The following SFI1 variants were observed in gnomAD, a reference collection of about 807,000 sequenced individuals.
SFI1 encodes protein SFI1 homolog.
A neutral mutation model predicts 207.5 loss-of-function variants in SFI1; 195 were observed. The observed-to-expected ratio is 0.94, with a 90% confidence interval of 0.84 to 1.06. The LOEUF (loss-of-function observed/expected upper bound fraction) is 1.06, where lower values mean the gene tolerates loss of function less well. SFI1 is among the 50% of genes least tolerant of loss of function. The pLI, the probability that SFI1 is intolerant of heterozygous loss-of-function variation, is 0.00. For synonymous variants in SFI1, 630 were observed against 598.9 expected (o/e 1.05, Z -0.76); for missense variants, 1,634 against 1,588.0 (o/e 1.03, Z -0.49).
chr22:31,506,330 G>A (rs377226315), intron 1 of SFI1, among the ~76,000 whole-genome samples: 148 of 152,152 alleles, frequency 9.7e-4, no homozygotes, highest in African/African-American at 3.3e-3. Context: ...TTACAGGCGT[G>A]AGCCACTGTG....
intron 15 of SFI1, among the ~76,000 whole-genome samples, chr22:31,596,022 G>A (rs1784607216): frequency 6.6e-6 from 1 of 152,126 alleles, no homozygotes; most frequent in African/African-American, 2.4e-5. Flanking sequence ...GGAGGCAGAG[G>A]TGGGTGGATC....
At chr22:31,550,000 C>T (rs1199695469) in intron 5 of SFI1, among the ~76,000 whole-genome samples, 1 of 151,724 alleles carries the variant, frequency 6.6e-6, no homozygotes, top group Non-Finnish European at 1.5e-5. Flanking sequence ...CATGCGATCT[C>T]GGCTCACTGC....
At chr22:31,545,116 C>A (rs1409472295) in intron 4 of SFI1, among the ~76,000 whole-genome samples, 1 of 152,098 alleles carries the variant, frequency 6.6e-6, no homozygotes, top group Non-Finnish European at 1.5e-5. Context: ...CATATAATCC[C>A]AGCATTTTGG....
intron 24 of SFI1, chr22:31,612,533 A>G (rs2070522838): frequency 6.6e-6 from 1 of 151,228 alleles, no homozygotes; most frequent in Non-Finnish European, 1.5e-5. Context: ...CCTGGGCAAC[A>G]TAGTGAGACC....
At chr22:31,604,811 C>G in intron 19 of SFI1, 58 bp from the exon 20 acceptor site, 1 of 1,524,046 alleles carries the variant, frequency 6.6e-7, no homozygotes, top group Non-Finnish European at 9.0e-7. Flanking sequence ...CTGAGGCCTG[C>G]CTAAACAGGG....
chr22:31,548,504 A>T (rs1602510198), intron 5 of SFI1, among the ~76,000 whole-genome samples: 2 of 150,318 alleles, frequency 1.3e-5, no homozygotes, highest in Admixed American at 1.3e-4. Flanking sequence ...TTAGCCGGGC[A>T]TGGCGGCATG....
chr22:31,540,926 T>C (rs1429723905), intron 4 of SFI1, among the ~76,000 whole-genome samples: 1 of 152,124 alleles, frequency 6.6e-6, no homozygotes, highest in Non-Finnish European at 1.5e-5. Flanking sequence ...GGATGGTGGG[T>C]GTCATTGTTC....
chr22:31,565,988 G>T (rs1000019587), intron 8 of SFI1, among the ~76,000 whole-genome samples: 1 of 151,158 alleles, frequency 6.6e-6, no homozygotes, highest in Non-Finnish European at 1.5e-5. Context: ...TGGATAGACA[G>T]AGATCTATTA....
intron 4 of SFI1, among the ~76,000 whole-genome samples, chr22:31,542,018 G>A (rs780719104): frequency 5.4e-5 from 8 of 148,484 alleles, no homozygotes; most frequent in East Asian, 2.0e-4. Flanking sequence ...GGAGACTGGC[G>A]TGAACCTGGG....
rs559794924 is a variant in SFI1 at position 31,578,660 on chromosome 22, T to C, written c.1155+208T>C. The stretch of plus-strand genomic sequence containing the variant: ...GTAGGGTCAGAGGGGTATGGAGCTG[T>C]AAAGGAACCTCAGAGATTATTTAGT... On this transcript the variant is annotated intron_variant, in intron 11 of 32. Transcript: ENST00000400288. Among the ~76,000 whole-genome samples, 8 of 152,328 alleles carry C rather than the reference T, an allele frequency of 5.3e-5. No homozygotes were observed. The East Asian group carries it at 1.5e-3, about 29-fold the overall frequency.
At chr22:31,593,682 C>A (rs1323411060) in intron 15 of SFI1, among the ~76,000 whole-genome samples, 1 of 141,924 alleles carries the variant, frequency 7.0e-6, no homozygotes, top group Non-Finnish European at 1.5e-5. Flanking sequence ...CGAGATCACG[C>A]CACTGCACTC....
chr22:31,564,895 G>A (rs1297570602), intron 8 of SFI1, among the ~76,000 whole-genome samples: 1 of 141,124 alleles, frequency 7.1e-6, no homozygotes, highest in Non-Finnish European at 1.5e-5. Flanking sequence ...CTCACTGCAA[G>A]CTCCGCCTCC....
chr22:31,500,693 G>A (rs1185637913), intron 1 of SFI1, among the ~76,000 whole-genome samples: 1 of 152,146 alleles, frequency 6.6e-6, no homozygotes, highest in East Asian at 1.9e-4. Context: ...CTGATCTCAG[G>A]TGATTCTCCC....
intron 14 of SFI1, among the ~76,000 whole-genome samples, chr22:31,586,262 C>G (rs2065017171): frequency 6.6e-6 from 1 of 152,156 alleles, no homozygotes; most frequent in Non-Finnish European, 1.5e-5. Context: ...CACCTCCACC[C>G]CTACCCCAGA....
chr22:31,569,667 G>T (rs1424330207), intron 8 of SFI1, among the ~76,000 whole-genome samples: 6 of 152,140 alleles, frequency 3.9e-5, no homozygotes, highest in Admixed American at 3.3e-4. Flanking sequence ...GTACATCAGA[G>T]CCAGGCGTGG....
intron 8 of SFI1, among the ~76,000 whole-genome samples, chr22:31,568,142 ACTCTCT>A (rs548843599): frequency 0.013 from 1,728 of 129,354 alleles, 12 homozygotes; most frequent in Middle Eastern, 0.034. Flanking sequence ...ATCAATATGG[ACTCTCT>A]CTCTCTCTAT....
intron 7 of SFI1, chr22:31,559,522 C>G: frequency 1.8e-6 from 1 of 550,748 alleles, no homozygotes; most frequent in Non-Finnish European, 3.4e-6. Context: ...GCGTATTTTG[C>G]GAATACTCAA....
rs1201567058 is a variant in SFI1 at position 31,568,087 on chromosome 22, TTACAAG to T, written c.766-4968_766-4963del. Among the ~76,000 whole-genome samples the T allele has an allele frequency of 2.0e-5, 3 of 150,946 alleles. No homozygotes were observed. In the Admixed American group the frequency reaches 2.0e-4, roughly 10 times the overall value. On this transcript the variant is annotated intron_variant, in intron 8 of 32. Transcript: ENST00000400288. Reference sequence around the variant, plus strand: ...AAGATCTTCAATAGAAAAGAAAAGATTACAAGTATAAAAAGCAAAGAAATCTGCAAT... The same window carrying T: ...AAGATCTTCAATAGAAAAGAAAAGATTATAAAAAGCAAAGAAATCTGCAAT...
chr22:31,496,159 T>TA (rs2052624234), upstream of SFI1: 1 of 152,242 alleles, frequency 6.6e-6, no homozygotes, highest in African/African-American at 2.4e-5. Flanking sequence ...GAGGGAGGAC[T>TA]TTCGTACGCA....
Sources: allele counts gnomAD v4.1 joint callset (sites outside exome capture counted in the v4.1 genomes callset), GRCh38; gene constraint gnomAD v4.1.1; transcripts MANE v1.5; gene names NCBI Gene and HGNC (gene_info 2026-07-23, HGNC 2026-07-21).